The following HEATR1 variants were observed in gnomAD, a reference collection of about 807,000 sequenced individuals.
HEATR1 encodes the protein HEAT repeat containing 1.
In HEATR1, 77 loss-of-function variants were observed where a neutral mutation model predicts 248.2. The observed-to-expected ratio is 0.31, with a 90% CI of 0.26 to 0.37. The LOEUF is 0.37. Among genes scored for constraint, HEATR1 ranks in the 10% least tolerant of loss-of-function variants. The probability of loss-of-function intolerance (pLI) is 1.00; values close to 1 mark genes in which losing one functional copy is unlikely to be tolerated. For missense variants in HEATR1, 2,420 were observed against 2,504.9 expected (o/e 0.97, Z 0.72); for synonymous variants, 897 against 923.1 (o/e 0.97, Z 0.51).
Position 236,590,880 on chromosome 1 carries a change from C to A in HEATR1, c.1497G>T (p.Met499Ile). 6.6e-7 allele frequency: 1 copy of A among 1,524,774 alleles called. No homozygotes were observed. The allele number at this position is 1,524,774 out of a possible 1,614,324, so 94.5% of individuals were successfully genotyped here. Residue 499 changes from methionine (M) to isoleucine (I), a missense_variant, in exon 12 of 45, where the codon ATG becomes ATT. Transcript: ENST00000366582. ...TTTTCATGATCTTTTTCAAATGATTCATGGCCAGAATTCTCACAGGAGCAA... is the reference window on the plus strand; with the variant it reads ...TTTTCATGATCTTTTTCAAATGATTAATGGCCAGAATTCTCACAGGAGCAA... ...HPLAPVRILAMNHLKKIMKTS... is the reference protein window; with the variant it reads ...HPLAPVRILAINHLKKIMKTS...
Position 236,549,164 on chromosome 1 carries a change from C to G in HEATR1, c.*1738G>C, listed in dbSNP as rs1465501077. 5.1e-6 allele frequency: 2 copies of G among 395,176 alleles called. No homozygotes were observed. Among genetic ancestry groups the G allele is most frequent in the Admixed American group, 4.4e-5 (1 of 22,642 alleles). 24.5% of individuals were successfully genotyped at this position (395,176 alleles called of 1,614,324 possible). A position where few individuals can be genotyped will look rare whatever the true frequency, so the allele number is the denominator to read the frequency against. ...GTTTTGTTCCCATGAAATCACCAAT[C>G]AAGGCCTCCGTTCTTCTAAAGATTA... On this transcript the variant is annotated 3_prime_UTR_variant, in exon 45 of 45. Transcript: ENST00000366582.
chr1:236,566,679 T>C lies in HEATR1; in HGVS notation c.4275A>G (p.Thr1425=), dbSNP rs766824521. The C allele has an allele frequency of 4.3e-6, 7 of 1,613,968 alleles. No homozygotes were observed. The African/African-American group carries it at 6.7e-5, about 15-fold the overall frequency. Residue 1425 remains threonine, a synonymous_variant, in exon 30 of 45, where the codon ACA becomes ACG. Coordinates refer to ENST00000366582, the MANE Select transcript of HEATR1 (RefSeq NM_018072.6). ...LLILLFEQYV[T]KTVLAAAYGE... ...CATAGGCAGCCGCCAGCACTGTTTT[T>C]GTGACATACTGTTCAAAAAGCAAGA...
chr1:236,587,403 A>C lies in HEATR1; in HGVS notation c.1714T>G (p.Trp572Gly). Reference protein sequence around the residue: ...QRAELSKNGEWYEVLKIAADI... With the variant: ...QRAELSKNGEGYEVLKIAADI... ...GTATGAGGAGAAATGAATACATACCATTCTCCATTCTTTGAAAGTTCTGCT... is the reference window on the plus strand; with the variant it reads ...GTATGAGGAGAAATGAATACATACCCTTCTCCATTCTTTGAAAGTTCTGCT... The change falls in exon 14 of 45, where the codon TGG becomes GGG. Residue 572 changes from tryptophan to glycine, a missense_variant and splice_region_variant. Transcript: ENST00000366582. 6.9e-7 allele frequency: 1 copy of C among 1,458,194 alleles called. No homozygotes were observed. The highest frequency in any genetic ancestry group is 9.4e-7 in the Non-Finnish European group (1 of 1,065,400). 90.3% of individuals were successfully genotyped at this position (1,458,194 alleles called of 1,614,324 possible). A position where few individuals can be genotyped will look rare whatever the true frequency, so the allele number is the denominator to read the frequency against.
At chr1:236,595,486 A>G (rs764643696) in intron 8 of HEATR1, 54 bp downstream of exon 8, 6 of 1,460,178 alleles carry the variant, frequency 4.1e-6, no homozygotes, top group Non-Finnish European at 5.6e-6. Context: ...TATGGTTACT[A>G]TTTTAAGATC....
intron 43 of HEATR1, 179 bp from the exon 44 acceptor site, chr1:236,552,286 G>A (rs1011593743): frequency 6.2e-6 from 3 of 486,250 alleles, no homozygotes; most frequent in Non-Finnish European, 1.1e-5. Context: ...TTTGGGAGCT[G>A]TTTGTAATAT....
chr1:236,557,988 C>T (rs1488441461), intron 36 of HEATR1, among the ~76,000 whole-genome samples: 1 of 152,108 alleles, frequency 6.6e-6, no homozygotes, highest in Non-Finnish European at 1.5e-5. Context: ...GCCCAGGCTA[C>T]AGTGCAGTGG....
At chr1:236,601,247 A>AT (rs1328008251) in intron 3 of HEATR1, among the ~76,000 whole-genome samples, 10 of 145,086 alleles carry the variant, frequency 6.9e-5, no homozygotes, top group African/African-American at 1.0e-4. Context: ...CCACGTCTCC[A>AT]TTTTTTGTTT....
rs1327914876 is a variant in HEATR1, at chr1:236,549,310, T to C, written c.*1592A>G. 4 of 224,418 alleles carry C rather than the reference T, an allele frequency of 1.8e-5. No individual in the cohort carries two copies. Among genetic ancestry groups the C allele is most frequent in the Non-Finnish European group, 2.6e-5 (3 of 115,952 alleles). 13.9% of individuals were successfully genotyped at this position (224,418 alleles called of 1,614,324 possible). ...GATTTTTCTATTATTTGAGGGGAGTTGGCAGAAGTTCCATGTATATGGGAT... is the reference window on the plus strand; with the variant it reads ...GATTTTTCTATTATTTGAGGGGAGTCGGCAGAAGTTCCATGTATATGGGAT... On this transcript the variant is annotated 3_prime_UTR_variant, in exon 45 of 45. Transcript: ENST00000366582.
chr1:236,558,505 G>C lies in HEATR1; in HGVS notation c.4936C>G (p.Pro1646Ala), dbSNP rs747254483. Residue 1646 changes from proline to alanine, a missense_variant, in exon 36 of 45, where the codon CCA becomes GCA. Pro to Ala is a conservative substitution (Grantham distance 27). Transcript: ENST00000366582. ...TIVTRFLKLV[P>A]DLLAIVQRKK... ...CGCTGCACAATGGCCAAAAGGTCTG[G>C]AACCAGTTTTAGGAAACGGGTAACC... The C allele has an allele frequency of 5.0e-6, 8 of 1,613,244 alleles. No individual in the cohort carries two copies. The highest frequency in any genetic ancestry group is 6.8e-6 in the Non-Finnish European group (8 of 1,179,352).
In HEATR1 at chr1:236,553,644, A is replaced by G. The variant is rs1480361961; in HGVS notation, c.6174T>C (p.Asp2058=). ...CIAQFSVAMA[D]DSLWKPLNYQ... ...AGTTCAGTGGTTTCCAAAGAGAGTC[A>G]TCCGCCATGGCCACCGAAAACTGTG... Residue 2058 remains aspartate (D), a synonymous_variant, in exon 43 of 45, where the codon GAT becomes GAC. Transcript: ENST00000366582. 6.2e-7 allele frequency: 1 copy of G among 1,614,086 alleles called. No individual in the cohort carries two copies. The highest frequency in any genetic ancestry group is 8.5e-7 in the Non-Finnish European group (1 of 1,180,002).
intron 20 of HEATR1, among the ~76,000 whole-genome samples, chr1:236,580,195 A>G (rs938903592): frequency 7.9e-5 from 12 of 152,234 alleles, no homozygotes; most frequent in African/African-American, 2.9e-4. Flanking sequence ...CAAAATTTGC[A>G]ATTCTACATT....
chr1:236,579,232 C>A (rs1663645182), intron 20 of HEATR1, among the ~76,000 whole-genome samples: 1 of 152,128 alleles, frequency 6.6e-6, no homozygotes, highest in Non-Finnish European at 1.5e-5. Flanking sequence ...TATTCAGTGT[C>A]CCCACAGAAA....
chr1:236,586,094 C>A, intron 15 of HEATR1, 147 bp downstream of exon 15: 1 of 1,244,426 alleles, frequency 8.0e-7, no homozygotes, highest in Non-Finnish European at 1.1e-6. Flanking sequence ...GAATTGGCTT[C>A]CTTTTCACTG....
At chr1:236,600,135 T>A (rs781431051) in intron 3 of HEATR1, among the ~76,000 whole-genome samples, 2,259 of 136,634 alleles carry the variant, frequency 0.017, 44 homozygotes, top group Middle Eastern at 0.079. Context: ...TTTTTTTTTT[T>A]TTTTTTTTTT....
intron 37 of HEATR1, among the ~76,000 whole-genome samples, chr1:236,556,848 C>T (rs1662992504): frequency 6.6e-6 from 1 of 152,148 alleles, no homozygotes. Context: ...ATACCTCTCA[C>T]AGTAGAAACA....
chr1:236,588,336 C>G (rs1196195079), intron 12 of HEATR1, among the ~76,000 whole-genome samples: 5 of 152,118 alleles, frequency 3.3e-5, no homozygotes, highest in Non-Finnish European at 5.9e-5. Flanking sequence ...AAAGTGAGAG[C>G]CCAGATATTG....
intron 12 of HEATR1, among the ~76,000 whole-genome samples, chr1:236,590,475 G>C (rs1269758962): frequency 2.0e-5 from 3 of 152,098 alleles, no homozygotes; most frequent in African/African-American, 7.2e-5. Flanking sequence ...GGGCTCAAGT[G>C]ATCCTTCTCA....
chr1:236,572,385 C>T, intron 26 of HEATR1, 26 bp downstream of exon 26: 1 of 1,611,824 alleles, frequency 6.2e-7, no homozygotes, highest in Non-Finnish European at 8.5e-7. Context: ...CCTATTCTCT[C>T]ACAGATCAAA....
chr1:236,569,585 C>T (rs1663367387), intron 28 of HEATR1, among the ~76,000 whole-genome samples: 1 of 152,048 alleles, frequency 6.6e-6, no homozygotes, highest in African/African-American at 2.4e-5. Context: ...AGAATATAAG[C>T]ACAAATACTA....
Sources: gnomAD v4.1 joint callset for allele counts (sites outside exome capture counted in the v4.1 genomes callset) on GRCh38, gnomAD v4.1.1 for gene constraint, MANE v1.5 for transcripts, NCBI Gene and HGNC (gene_info 2026-07-23, HGNC 2026-07-21) for gene names.